The following MPDZ variants were observed in gnomAD, a reference collection of about 807,000 sequenced individuals.
MPDZ encodes the protein multiple PDZ domain protein.
In MPDZ, 234 loss-of-function variants were observed where a neutral mutation model predicts 239.1. The observed-to-expected ratio is 0.98, with a 90% CI of 0.88 to 1.09. The LOEUF is 1.09. Ranked by LOEUF, MPDZ falls within the 50% of genes least tolerant of loss-of-function variation. The pLI, the probability that MPDZ is intolerant of heterozygous loss-of-function variation, is 0.00. For synonymous variants in MPDZ, 1,048 were observed against 881.3 expected, an observed-to-expected ratio of 1.19 and a Z score of -3.35; for missense variants, 3,175 against 2,510.0, an observed-to-expected ratio of 1.26 and a Z score of -5.66.
At chr9:13,192,626 T>C (rs1311065607) in intron 14 of MPDZ, among the ~76,000 whole-genome samples, 1 of 152,212 alleles carries the variant, frequency 6.6e-6, no homozygotes, top group African/African-American at 2.4e-5. Context: ...AACTTTGACA[T>C]TTTGTATAAT....
chr9:13,165,524 GT>G (rs36052567), intron 22 of MPDZ: 158 of 1,287,166 alleles, frequency 1.2e-4, no homozygotes, highest in Middle Eastern at 6.1e-4. Context: ...GCTCCTGGTT[GT>G]TTTTTTTCCC....
At chr9:13,233,345 A>G (rs756070985) in intron 3 of MPDZ, among the ~76,000 whole-genome samples, 1 of 152,174 alleles carries the variant, frequency 6.6e-6, no homozygotes, top group Non-Finnish European at 1.5e-5. Context: ...ATGAAAAAGA[A>G]CTACTACTAC....
intron 1 of MPDZ, among the ~76,000 whole-genome samples, chr9:13,263,788 T>A (rs932070179): frequency 6.6e-6 from 1 of 151,876 alleles, no homozygotes; most frequent in African/African-American, 2.4e-5. Context: ...CCCACCTTTG[T>A]GAATTATGGG....
intron 26 of MPDZ, among the ~76,000 whole-genome samples, chr9:13,146,595 GA>G (rs1948465777): frequency 6.6e-6 from 1 of 152,008 alleles, no homozygotes; most frequent in Admixed American, 6.6e-5. Flanking sequence ...GAATCACTAT[GA>G]TGGGGGTTGT....
intron 24 of MPDZ, among the ~76,000 whole-genome samples, chr9:13,151,158 A>G (rs1184582163): frequency 6.6e-6 from 1 of 152,082 alleles, no homozygotes; most frequent in African/African-American, 2.4e-5. Flanking sequence ...ACACACACAC[A>G]CACAAATTAA....
chr9:13,125,882 C>T lies in MPDZ; in HGVS notation c.4633-492G>A, dbSNP rs1945033761. Among the ~76,000 whole-genome samples the T allele has an allele frequency of 3.3e-5, 5 of 152,162 alleles. No homozygotes were observed. In the South Asian group the frequency reaches 1.0e-3, roughly 32 times the overall value. ...CAGATTTATGGGTTAAAGGATCTGG[C>T]CTAAATACTTACTAAAAACTGAATT... is the stretch of plus-strand genomic sequence containing the variant. On this transcript the variant is annotated intron_variant, in intron 34 of 46. Transcript: ENST00000319217.
At chr9:13,250,970 A>G (rs1280534531) in intron 1 of MPDZ, among the ~76,000 whole-genome samples, 1 of 151,758 alleles carries the variant, frequency 6.6e-6, no homozygotes, top group Non-Finnish European at 1.5e-5. Flanking sequence ...CTCTGCTACA[A>G]ATACAAAAAT....
chr9:13,147,421 C>T, intron 26 of MPDZ, 127 bp downstream of exon 26: 1 of 660,454 alleles, frequency 1.5e-6, no homozygotes, highest in Non-Finnish European at 2.6e-6. Flanking sequence ...AAACAAACTT[C>T]TAACAAGTCT....
chr9:13,118,603 A>T (rs1943861463), intron 39 of MPDZ, among the ~76,000 whole-genome samples: 1 of 152,204 alleles, frequency 6.6e-6, no homozygotes, highest in African/African-American at 2.4e-5. Flanking sequence ...ATATTTCTTC[A>T]GGTCATAAAA....
At chr9:13,266,219 C>G (rs1024186501) in intron 1 of MPDZ, among the ~76,000 whole-genome samples, 2 of 152,198 alleles carry the variant, frequency 1.3e-5, no homozygotes, top group Non-Finnish European at 2.9e-5. Context: ...TGGACAGGAA[C>G]AAAGTTTACA....
chr9:13,261,959 T>C (rs568887573), intron 1 of MPDZ, among the ~76,000 whole-genome samples: 1 of 151,700 alleles, frequency 6.6e-6, no homozygotes, highest in African/African-American at 2.4e-5. Context: ...GTGAGAAGAT[T>C]ATCTGAGCCC....
At chr9:13,180,039 A>C (rs550328162) in intron 19 of MPDZ, among the ~76,000 whole-genome samples, 1 of 152,258 alleles carries the variant, frequency 6.6e-6, no homozygotes, top group South Asian at 2.1e-4. Context: ...CTAAGGAAAA[A>C]GGCAACATCT....
At chr9:13,170,472 C>T (rs1222412738) in intron 21 of MPDZ, among the ~76,000 whole-genome samples, 1 of 151,960 alleles carries the variant, frequency 6.6e-6, no homozygotes, top group Admixed American at 6.6e-5. Flanking sequence ...AATAAGATAC[C>T]GTTTCGGGTG....
At chr9:13,235,671 T>G (rs1488837418) in intron 3 of MPDZ, among the ~76,000 whole-genome samples, 1 of 152,204 alleles carries the variant, frequency 6.6e-6, no homozygotes, top group Non-Finnish European at 1.5e-5. Context: ...GGTATTCAAT[T>G]TAGAAAATAA....
chr9:13,230,423 TAAGA>T (rs1962049420), intron 3 of MPDZ, among the ~76,000 whole-genome samples: 1 of 152,100 alleles, frequency 6.6e-6, no homozygotes, highest in African/African-American at 2.4e-5. Context: ...GTAAATCCAA[TAAGA>T]AATACTACTG....
At chr9:13,221,273 C>A (rs1959063643) in intron 7 of MPDZ, 99 bp downstream of exon 7, 3 of 1,297,410 alleles carry the variant, frequency 2.3e-6, no homozygotes, top group East Asian at 5.0e-5. Flanking sequence ...TCTTTGGCAT[C>A]ATTTAAGGCC....
At chr9:13,226,530 G>A (rs923540675) in intron 3 of MPDZ, among the ~76,000 whole-genome samples, 1 of 151,984 alleles carries the variant, frequency 6.6e-6, no homozygotes, top group Non-Finnish European at 1.5e-5. Context: ...TACCAAACAG[G>A]TATATTCTTC....
rs1288981393 is a variant in MPDZ, at chr9:13,174,366, G to C, written c.3055+1386C>G. On this transcript the variant is annotated intron_variant, in intron 21 of 46. Transcript: ENST00000319217. ...GGATATAGTATTAAAATAAATGTTT[G>C]CTAGTTGAGTAAATACACTAGAATA... 2.0e-5 allele frequency among the ~76,000 whole-genome samples: 3 copies of C among 152,112 alleles called. No individual in the cohort carries two copies. The East Asian group carries it at 5.8e-4, about 29-fold the overall frequency.
rs1380612601 is a variant in MPDZ, at chr9:13,192,311, C to T, written c.1804-16G>A. The T allele has an allele frequency of 1.3e-6, 2 of 1,580,328 alleles. No individual in the cohort carries two copies. The highest frequency in any genetic ancestry group is 2.3e-5 in the East Asian group (1 of 43,776). Reference sequence around the variant, plus strand: ...TGCCATTTACCTGTGAAAAAAGATACATTGTCCAACAAACAACACTTCATA... The same window carrying T: ...TGCCATTTACCTGTGAAAAAAGATATATTGTCCAACAAACAACACTTCATA... On this transcript the variant is annotated splice_polypyrimidine_tract_variant and intron_variant, in intron 14 of 46. Transcript: ENST00000319217.
Sources: gnomAD v4.1 joint callset for allele counts (sites outside exome capture counted in the v4.1 genomes callset) on GRCh38, gnomAD v4.1.1 for gene constraint, MANE v1.5 for transcripts, NCBI Gene and HGNC (gene_info 2026-07-23, HGNC 2026-07-21) for gene names.